TSPEAR: variants seen among roughly 807,000 people sequenced by gnomAD.
TSPEAR encodes the protein thrombospondin type laminin G domain and EAR repeats, also known as thrombospondin-type laminin G domain and EAR repeat-containing protein.
In TSPEAR, 69 loss-of-function variants were observed where a neutral mutation model predicts 71.6. That is an observed-to-expected ratio of 0.96 (90% CI 0.79 to 1.18). TSPEAR has a LOEUF of 1.18. Among genes scored for constraint, TSPEAR ranks in the 50% most tolerant of loss-of-function variants. The probability of loss-of-function intolerance (pLI) is 0.00; values close to 1 mark genes in which losing one functional copy is unlikely to be tolerated. For synonymous variants in TSPEAR, 402 were observed against 387.2 expected, an observed-to-expected ratio of 1.04 and a Z score of -0.45; for missense variants, 971 against 894.9, an observed-to-expected ratio of 1.09 and a Z score of -1.09.
intron 1 of TSPEAR, chr21:44,579,378 T>G: frequency 3.4e-6 from 1 of 290,294 alleles, no homozygotes; most frequent in Non-Finnish European, 6.5e-6. Flanking sequence ...AGTCACTCAT[T>G]CATAGAAACA....
intron 1 of TSPEAR, chr21:44,579,796 G>A: frequency 6.2e-7 from 1 of 1,609,254 alleles, no homozygotes; most frequent in African/African-American, 1.3e-5. Context: ...CGGGGCGGCA[G>A]AGGAGGGACA....
rs146156906 is a variant in TSPEAR at position 44,694,741 on chromosome 21, A to G, written c.82+16692T>C. ...AATAAACAACAATTATTGAGTGCCTATCATGAAAATAATGCACACAAGGCT... is the reference window on the plus strand; with the variant it reads ...AATAAACAACAATTATTGAGTGCCTGTCATGAAAATAATGCACACAAGGCT... On this transcript the variant is annotated intron_variant, in intron 1 of 11. Coordinates refer to ENST00000323084, the MANE Select transcript of TSPEAR (RefSeq NM_144991.3). Among the ~76,000 whole-genome samples, 492 of 152,344 alleles carry G rather than the reference A, an allele frequency of 3.2e-3. 4 individuals are homozygous for G. The highest frequency in any genetic ancestry group is 0.011 in the African/African-American group (460 of 41,586).
At chr21:44,699,492 G>T (rs1357959885) in intron 1 of TSPEAR, among the ~76,000 whole-genome samples, 2 of 151,896 alleles carry the variant, frequency 1.3e-5, no homozygotes, top group Non-Finnish European at 2.9e-5. Context: ...AGAGGAAGTG[G>T]GTCCTGGTGA....
rs2146317873 is a variant in TSPEAR, at chr21:44,695,121, T to C, written c.82+16312A>G. Among the ~76,000 whole-genome samples, 1 of 152,264 alleles carries C rather than the reference T, an allele frequency of 6.6e-6. No homozygotes were observed. Among genetic ancestry groups the C allele is most frequent in the South Asian group, 2.1e-4 (1 of 4,814 alleles). The stretch of plus-strand genomic sequence containing the variant: ...TCTGGCCTTCTGAGGTCACTCTTTA[T>C]AATCCAAATAAAATAACAAGAGACA... On this transcript the variant is annotated intron_variant, in intron 1 of 11. Transcript: ENST00000323084. The surrounding 1 kb of genome is among the most constrained non-coding windows in gnomAD (Gnocchi z 4.5).
chr21:44,647,113 C>T (rs587759476), intron 1 of TSPEAR: 44 of 1,611,910 alleles, frequency 2.7e-5, no homozygotes, highest in Admixed American at 3.3e-5. Context: ...CTGCCAGCAG[C>T]CTAGCTGCCA....
intron 1 of TSPEAR, among the ~76,000 whole-genome samples, chr21:44,694,779 C>G (rs973614478): frequency 1.3e-5 from 2 of 152,212 alleles, no homozygotes; most frequent in Non-Finnish European, 2.9e-5. Context: ...AGGTTGTTGA[C>G]CTTGCTGAGT....
chr21:44,669,343 A>T (rs1490308082), intron 1 of TSPEAR, among the ~76,000 whole-genome samples: 8 of 152,188 alleles, frequency 5.3e-5, no homozygotes, highest in African/African-American at 1.9e-4. Context: ...GAATCACTTG[A>T]ACCCGGGAGG....
chr21:44,553,729 CAT>C (rs2053482897), intron 2 of TSPEAR, among the ~76,000 whole-genome samples: 1 of 152,034 alleles, frequency 6.6e-6, no homozygotes, highest in African/African-American at 2.4e-5. Context: ...GCCACCTAGA[CAT>C]GCATTGACGA....
At chr21:44,660,107 A>C (rs1215098777) in intron 1 of TSPEAR, among the ~76,000 whole-genome samples, 5 of 152,212 alleles carry the variant, frequency 3.3e-5, no homozygotes, top group African/African-American at 1.2e-4. Context: ...GAGAAAGAGA[A>C]GGGTGGAGGG....
Position 44,711,390 on chromosome 21 carries a change from C to T in TSPEAR, c.82+43G>A, listed in dbSNP as rs1555953580. ...GTGACTCGACACCCCTCCCAGCTCC[C>T]CGGCAAGATACCCCCGCCCGAGTTC... On this transcript the variant is annotated intron_variant, in intron 1 of 11. Coordinates refer to ENST00000323084, the MANE Select transcript of TSPEAR (RefSeq NM_144991.3). The surrounding 1 kb of genome is among the most constrained non-coding windows in gnomAD (Gnocchi z 4.5). 6.5e-7 allele frequency: 1 copy of T among 1,538,074 alleles called. No homozygotes were observed. Among genetic ancestry groups the T allele is most frequent in the African/African-American group, 1.4e-5 (1 of 73,082 alleles).
At chr21:44,621,323 T>G (rs1982419426) in intron 1 of TSPEAR, among the ~76,000 whole-genome samples, 1 of 152,258 alleles carries the variant, frequency 6.6e-6, no homozygotes, top group Admixed American at 6.5e-5. Context: ...TTTCTTCAAA[T>G]CTGTCCATTT....
At position 44,612,637 on chromosome 21, in the gene TSPEAR, C is replaced by G; in HGVS notation, c.83-44632G>C. ...GCAAGCCCATCTGCTGTGTGCCTGT[C>G]TGCTCTGGGGCTTCCTCTCTGTGCT... On this transcript the variant is annotated intron_variant, in intron 1 of 11. Transcript: ENST00000323084. This position sits in a 1 kb window ranked among gnomAD's most constrained non-coding sequence, Gnocchi z 4.1. 6.2e-7 allele frequency: 1 copy of G among 1,614,176 alleles called. No homozygotes were observed. The highest frequency in any genetic ancestry group is 8.5e-7 in the Non-Finnish European group (1 of 1,180,028).
intron 1 of TSPEAR, among the ~76,000 whole-genome samples, chr21:44,665,613 G>C (rs1985710045): frequency 6.6e-6 from 1 of 152,138 alleles, no homozygotes; most frequent in Admixed American, 6.5e-5. Flanking sequence ...AGAATAAGGA[G>C]CACACAATCC....
intron 5 of TSPEAR, among the ~76,000 whole-genome samples, chr21:44,529,170 GC>G (rs2052916458): frequency 6.6e-6 from 1 of 152,232 alleles, no homozygotes; most frequent in African/African-American, 2.4e-5. Flanking sequence ...AGGCTCGGGG[GC>G]TCGGCTGTTC....
rs1987705319 is a variant in TSPEAR at position 44,702,517 on chromosome 21, G to C, written c.82+8916C>G. 3 of 1,608,390 alleles carry C rather than the reference G, an allele frequency of 1.9e-6. No individual in the cohort carries two copies. In the Admixed American group the frequency reaches 5.0e-5, roughly 27 times the overall value. On this transcript the variant is annotated intron_variant, in intron 1 of 11. Coordinates refer to ENST00000323084, the MANE Select transcript of TSPEAR (RefSeq NM_144991.3). The stretch of plus-strand genomic sequence containing the variant: ...TGTCTGTTGCAAGCCCGTCTGCTGT[G>C]TGCCTGTCTGCTCTGGGGCTTCCTC...
chr21:44,597,219 A>G (rs892541168), intron 1 of TSPEAR, among the ~76,000 whole-genome samples: 3 of 152,096 alleles, frequency 2.0e-5, no homozygotes, highest in Non-Finnish European at 4.4e-5. Flanking sequence ...TAAGCTATGT[A>G]ATTAGATACA....
At chr21:44,678,566 A>G (rs1300403433) in intron 1 of TSPEAR, among the ~76,000 whole-genome samples, 1 of 152,224 alleles carries the variant, frequency 6.6e-6, no homozygotes, top group Admixed American at 6.5e-5. Context: ...AGGTATCTTT[A>G]TAGCAATGTA....
rs1321218328 is a variant in TSPEAR, at chr21:44,579,602, G to A, written c.83-11597C>T. ...CCCCTGCTGGGAGGCAGGAGCTGGG[G>A]AGCTTCGAGGATGGAGATTCCTGGG... On this transcript the variant is annotated intron_variant, in intron 1 of 11. Coordinates refer to ENST00000323084, the MANE Select transcript of TSPEAR (RefSeq NM_144991.3). 12 of 904,462 alleles carry A rather than the reference G, an allele frequency of 1.3e-5. No individual in the cohort carries two copies. The East Asian group carries it at 2.4e-4, about 18-fold the overall frequency. The allele number at this position is 904,462 out of a possible 1,614,324, so 56.0% of individuals were successfully genotyped here.
rs1601549379 is a variant in TSPEAR, at chr21:44,670,113, A to G, written c.82+41320T>C. The stretch of plus-strand genomic sequence containing the variant: ...AAACACACATTTCAGGAATACAAAG[A>G]GATATGACTCAACTCTATTTTTTCT... On this transcript the variant is annotated intron_variant, in intron 1 of 11. Transcript: ENST00000323084. 1.3e-5 allele frequency among the ~76,000 whole-genome samples: 2 copies of G among 152,176 alleles called. 1 individual carries two copies. Among genetic ancestry groups the G allele is most frequent in the African/African-American group, 4.8e-5 (2 of 41,430 alleles).
Sources: allele counts gnomAD v4.1 joint callset (sites outside exome capture counted in the v4.1 genomes callset), GRCh38; gene constraint gnomAD v4.1.1; non-coding constraint Gnocchi (gnomAD v3.1); transcripts MANE v1.5; gene names NCBI Gene and HGNC (gene_info 2026-07-23, HGNC 2026-07-21).